Variants in HELZ observed in about 807,000 individuals in gnomAD.
The protein encoded by HELZ is ATP-dependent RNA helicase with zinc finger domain.
A neutral mutation model predicts 218.2 loss-of-function variants in HELZ; 23 were observed. That is an observed-to-expected ratio of 0.11 (90% CI 0.08 to 0.15). HELZ has a LOEUF of 0.15. Ranked by LOEUF, HELZ falls within the 10% of genes least tolerant of loss-of-function variation. HELZ has a pLI of 1.00. For synonymous variants in HELZ, 814 were observed against 829.4 expected, an observed-to-expected ratio of 0.98 and a Z score of 0.32; for missense variants, 1,813 against 2,353.7, an observed-to-expected ratio of 0.77 and a Z score of 4.75.
intron 13 of HELZ, among the ~76,000 whole-genome samples, chr17:67,172,135 G>A (rs904009574): frequency 2.6e-5 from 4 of 151,842 alleles, no homozygotes; most frequent in African/African-American, 9.7e-5. Flanking sequence ...ACCCAGCCTT[G>A]TCTTACTTCT....
chr17:67,084,107 C>G lies in HELZ; in HGVS notation c.5494+2722G>C, dbSNP rs1317828331. On this transcript the variant is annotated intron_variant, in intron 32 of 32. Transcript: ENST00000358691. ...TGTCTGATACCACTACTACAATTCT[C>G]TAAAAATAAAAAATTGATAAACAAG... Among the ~76,000 whole-genome samples, 3 of 152,280 alleles carry G rather than the reference C, an allele frequency of 2.0e-5. No individual in the cohort carries two copies. The East Asian group carries it at 5.8e-4, about 29-fold the overall frequency.
At chr17:67,196,218 G>C (rs2040024493) in intron 7 of HELZ, among the ~76,000 whole-genome samples, 1 of 152,048 alleles carries the variant, frequency 6.6e-6, no homozygotes. Flanking sequence ...CTTACTGCTA[G>C]GTACCCCACT....
chr17:67,076,885 G>A lies in HELZ; in HGVS notation c.*1367C>T, dbSNP rs1196928830. 1.3e-5 allele frequency: 2 copies of A among 151,862 alleles called. No individual in the cohort carries two copies. Among genetic ancestry groups the A allele is most frequent in the South Asian group, 2.1e-4 (1 of 4,820 alleles). The allele number at this position is 151,862 out of a possible 1,614,324, so 9.4% of individuals were successfully genotyped here. A position where few individuals can be genotyped will look rare whatever the true frequency, so the allele number is the denominator to read the frequency against. ...TTTTAAAAGTTTATATTGTAGTTTC[G>A]AGATACCTCTGAAATATAAAAGTAG... On this transcript the variant is annotated 3_prime_UTR_variant, in exon 33 of 33. Transcript: ENST00000358691.
At chr17:67,245,609 C>A, upstream of HELZ, 1 of 837,870 alleles carries the variant, frequency 1.2e-6, no homozygotes, top group Non-Finnish European at 1.4e-6. Flanking sequence ...TGCGGCCGCG[C>A]TTCCAGGAAG....
chr17:67,242,505 CACACATATATGTATAT>C (rs2143528751), intron 2 of HELZ, among the ~76,000 whole-genome samples: 2 of 1,462 alleles, frequency 1.4e-3, no homozygotes, highest in South Asian at 0.05. Context: ...CATATCTATA[CACACATATATGTATAT>C]ATACACACAT....
intron 31 of HELZ, among the ~76,000 whole-genome samples, chr17:67,092,273 T>C (rs1041308214): frequency 6.6e-6 from 1 of 152,166 alleles, no homozygotes; most frequent in African/African-American, 2.4e-5. Context: ...AGGACACATT[T>C]CCAGAATACA....
At chr17:67,190,664 C>T (rs958816331) in intron 9 of HELZ, among the ~76,000 whole-genome samples, 1 of 152,110 alleles carries the variant, frequency 6.6e-6, no homozygotes, top group African/African-American at 2.4e-5. Flanking sequence ...CATATAAGGA[C>T]TCTTACTAGA....
chr17:67,232,052 C>CAAAAAAAA (rs754429326), intron 3 of HELZ, among the ~76,000 whole-genome samples: 2 of 42,478 alleles, frequency 4.7e-5, no homozygotes, highest in East Asian at 7.4e-4. Context: ...GACTCCATCT[C>CAAAAAAAA]AAAAAAAAAA....
At chr17:67,145,137 A>G (rs73343147) in intron 21 of HELZ, among the ~76,000 whole-genome samples, 4,998 of 152,274 alleles carry the variant, frequency 0.033, 264 homozygotes, top group African/African-American at 0.11. Context: ...CCTGAAGTCC[A>G]GAACTCAACT....
intron 12 of HELZ, among the ~76,000 whole-genome samples, chr17:67,181,284 G>C (rs901460363): frequency 1.3e-5 from 2 of 152,100 alleles, no homozygotes; most frequent in Non-Finnish European, 2.9e-5. Context: ...AAGTAGCTGA[G>C]ACAAGAACAA....
In HELZ at chr17:67,076,328, T is replaced by C. The variant is rs1159334812; in HGVS notation, c.*1924A>G. 1 of 152,234 alleles carries C rather than the reference T, an allele frequency of 6.6e-6. No individual in the cohort carries two copies. The highest frequency in any genetic ancestry group is 1.9e-4 in the East Asian group (1 of 5,200). 9.4% of individuals were successfully genotyped at this position (152,234 alleles called of 1,614,324 possible). A position where few individuals can be genotyped will look rare whatever the true frequency, so the allele number is the denominator to read the frequency against. ...GCAAAACTTTTTCTTCTTTTCTTCC[T>C]ACTAAAGAATGTTGAGTAAAATTTG... On this transcript the variant is annotated 3_prime_UTR_variant, in exon 33 of 33. Coordinates refer to ENST00000358691, the MANE Select transcript of HELZ (RefSeq NM_014877.4).
chr17:67,119,977 A>C (rs2037548153), intron 27 of HELZ: 1 of 344,514 alleles, frequency 2.9e-6, no homozygotes, highest in African/African-American at 2.6e-5. Flanking sequence ...TTTATATGTT[A>C]GATTCTCTCC....
Position 67,078,680 on chromosome 17 carries a change from C to A in HELZ, c.5495-94G>T, listed in dbSNP as rs758492665. 2.1e-5 allele frequency: 18 copies of A among 872,926 alleles called. No individual in the cohort carries two copies. The East Asian group carries it at 5.1e-4, about 25-fold the overall frequency. 54.1% of individuals were successfully genotyped at this position (872,926 alleles called of 1,614,324 possible). A position where few individuals can be genotyped will look rare whatever the true frequency, so the allele number is the denominator to read the frequency against. On this transcript the variant is annotated intron_variant, in intron 32 of 32. Transcript: ENST00000358691. The stretch of plus-strand genomic sequence containing the variant: ...AGTGTGTCAGAACTGGCTCTCATCT[C>A]CAGGAACTCAAGGACAGTATAGCCA...
chr17:67,218,649 T>C lies in HELZ; in HGVS notation c.156A>G (p.Ile52Met). 3 of 1,614,246 alleles carry C rather than the reference T, an allele frequency of 1.9e-6. No homozygotes were observed. Among genetic ancestry groups the C allele is most frequent in the Non-Finnish European group, 2.5e-6 (3 of 1,180,042 alleles). The stretch of plus-strand genomic sequence containing the variant: ...GAAGACTCTCGATTTTGATGCGTTC[T>C]ATTTCCAATGGACAAGGCCCTGTGA... ...ADFTGPCPLE[I>M]ERIKIESLLY... Residue 52 changes from isoleucine (I) to methionine (M), a missense_variant, in exon 4 of 33, where the codon ATA (isoleucine) becomes ATG (methionine). Coordinates refer to ENST00000358691, the MANE Select transcript of HELZ (RefSeq NM_014877.4).
intron 2 of HELZ, among the ~76,000 whole-genome samples, chr17:67,243,285 T>C (rs1032104690): frequency 2.6e-5 from 4 of 152,208 alleles, no homozygotes; most frequent in African/African-American, 9.6e-5. Flanking sequence ...AGAAAAGTAC[T>C]ACTCCATTTT....
At chr17:67,199,712 T>G (rs1417078773) in intron 7 of HELZ, among the ~76,000 whole-genome samples, 3 of 152,228 alleles carry the variant, frequency 2.0e-5, no homozygotes, top group Admixed American at 6.5e-5. Context: ...CCAGCTTGTA[T>G]AATCCATGGT....
At chr17:67,092,592 C>T (rs111667813) in intron 31 of HELZ, among the ~76,000 whole-genome samples, 2 of 152,320 alleles carry the variant, frequency 1.3e-5, no homozygotes, top group Admixed American at 6.5e-5. Context: ...GATTCAAGCA[C>T]TAAAAAGTCC....
chr17:67,237,304 G>T (rs965206249), intron 3 of HELZ, among the ~76,000 whole-genome samples: 7 of 152,170 alleles, frequency 4.6e-5, no homozygotes, highest in Middle Eastern at 3.4e-3. Flanking sequence ...CAATTTTTTT[G>T]ATTTATTTAT....
At chr17:67,235,946 G>A (rs967321597) in intron 3 of HELZ, among the ~76,000 whole-genome samples, 1 of 151,940 alleles carries the variant, frequency 6.6e-6, no homozygotes, top group Admixed American at 6.6e-5. Flanking sequence ...ATTTTTAGAA[G>A]AGACGGGGTT....
Sources: allele counts gnomAD v4.1 joint callset (sites outside exome capture counted in the v4.1 genomes callset), GRCh38; gene constraint gnomAD v4.1.1; transcripts MANE v1.5; gene names NCBI Gene and HGNC (gene_info 2026-07-23, HGNC 2026-07-21).